WDPCP: variants seen among roughly 807,000 people sequenced by gnomAD.
WDPCP encodes the protein WD repeat-containing and planar cell polarity effector protein fritz homolog.
WDPCP carries 71 observed loss-of-function variants against 93.1 expected under a neutral mutation model. That is an observed-to-expected ratio of 0.76 (90% CI 0.63 to 0.93). The LOEUF (loss-of-function observed/expected upper bound fraction) is 0.93, where lower values mean the gene tolerates loss of function less well. Among genes scored for constraint, WDPCP ranks in the 40% least tolerant of loss-of-function variants. The pLI is 0.00. For synonymous variants in WDPCP, 315 were observed against 315.0 expected, an observed-to-expected ratio of 1.00 and a Z score of 0.00; for missense variants, 844 against 887.4, an observed-to-expected ratio of 0.95 and a Z score of 0.62.
At chr2:63,589,279 G>A, upstream of WDPCP, 1 of 1,551,108 alleles carries the variant, frequency 6.4e-7, no homozygotes, top group Non-Finnish European at 8.7e-7. Flanking sequence ...AGAAGTAGTT[G>A]TCCTGGGAGA....
chr2:63,174,993 C>A (rs528581109), intron 14 of WDPCP, among the ~76,000 whole-genome samples, 161 bp from the exon 15 acceptor site: 1 of 152,248 alleles, frequency 6.6e-6, no homozygotes, highest in Admixed American at 6.5e-5. Context: ...TTCTGTCATT[C>A]TTATACTTAC....
chr2:63,327,205 A>G (rs1054347137), intron 12 of WDPCP, among the ~76,000 whole-genome samples: 3 of 152,214 alleles, frequency 2.0e-5, no homozygotes, highest in African/African-American at 7.2e-5. Flanking sequence ...AGACTTAGGA[A>G]AATTGCCTAA....
intron 2 of WDPCP, among the ~76,000 whole-genome samples, chr2:63,725,150 G>T (rs2103806052): frequency 6.6e-6 from 1 of 152,138 alleles, no homozygotes; most frequent in East Asian, 1.9e-4. Context: ...CTTTACTCAG[G>T]TAATGAGCAC....
At chr2:63,539,379 C>A (rs1364336929) in intron 1 of WDPCP, among the ~76,000 whole-genome samples, 2 of 152,134 alleles carry the variant, frequency 1.3e-5, no homozygotes, top group African/African-American at 4.8e-5. Context: ...ACTAAACTGA[C>A]TTCACTGAAT....
At chr2:63,754,267 C>T (rs1319363398) in intron 2 of WDPCP, among the ~76,000 whole-genome samples, 2 of 152,172 alleles carry the variant, frequency 1.3e-5, no homozygotes, top group Admixed American at 6.5e-5. Context: ...TACCAGCCAC[C>T]ACTCATAGGA....
intron 12 of WDPCP, among the ~76,000 whole-genome samples, chr2:63,343,325 T>C (rs1260034854): frequency 6.6e-6 from 1 of 152,096 alleles, no homozygotes; most frequent in African/African-American, 2.4e-5. Flanking sequence ...GCATATGTCT[T>C]CTCACTGCCT....
At chr2:63,826,497 T>C (rs1043592175) in intron 1 of WDPCP, among the ~76,000 whole-genome samples, 1 of 152,162 alleles carries the variant, frequency 6.6e-6, no homozygotes, top group African/African-American at 2.4e-5. Flanking sequence ...TTTATATTTA[T>C]GAAAATTAAT....
At chr2:63,438,729 A>T (rs1249663887) in intron 7 of WDPCP, among the ~76,000 whole-genome samples, 2 of 152,032 alleles carry the variant, frequency 1.3e-5, no homozygotes, top group Non-Finnish European at 2.9e-5. Flanking sequence ...CTTCAAGATG[A>T]TGTGATTGTG....
At chr2:63,206,054 G>C (rs1388957517) in intron 14 of WDPCP, among the ~76,000 whole-genome samples, 1 of 152,086 alleles carries the variant, frequency 6.6e-6, no homozygotes, top group Non-Finnish European at 1.5e-5. Context: ...TTTATCAAAT[G>C]CTTTTTTGGC....
rs7569701 is a variant in WDPCP, at chr2:63,783,726, C to T, written n.308+29896G>A. 2.5e-3 allele frequency among the ~76,000 whole-genome samples: 378 copies of T among 152,186 alleles called. 4 individuals are homozygous for T. Among genetic ancestry groups the T allele is most frequent in the African/African-American group, 8.8e-3 (366 of 41,532 alleles). On this transcript the variant is annotated intron_variant and non_coding_transcript_variant, in intron 2 of 4. Transcript: ENST00000467687. ...AGTCTGAGCTAAATAATGTGTACAC[C>T]TTGGCATAAAGTGTGGAATGACAGA...
Position 63,583,671 on chromosome 2 carries a change from C to A in WDPCP, c.75+4526G>T, listed in dbSNP as rs1229345512. Among the ~76,000 whole-genome samples the A allele has an allele frequency of 7.2e-4, 86 of 119,208 alleles. 1 individual carries two copies. Among genetic ancestry groups the A allele is most frequent in the African/African-American group, 3.2e-3 (81 of 24,986 alleles). The allele number at this position is 119,208 out of a possible 152,430, so 78.2% of individuals were successfully genotyped here. ...ACTCCAGCCTGGCGACAGAGCAAGA[C>A]TCCGTTTCAAAAAAAAAAAAAAGAA... is the stretch of plus-strand genomic sequence containing the variant. On this transcript the variant is annotated intron_variant, in intron 1 of 17. Transcript: ENST00000272321.
chr2:63,551,380 G>A (rs1213637321), intron 1 of WDPCP, among the ~76,000 whole-genome samples: 1 of 152,152 alleles, frequency 6.6e-6, no homozygotes, highest in African/African-American at 2.4e-5. Context: ...CTCATGAATG[G>A]CTTGTTGCCC....
intron 2 of WDPCP, among the ~76,000 whole-genome samples, chr2:63,662,022 T>C (rs1267908992): frequency 1.3e-5 from 2 of 152,056 alleles, no homozygotes; most frequent in Admixed American, 6.6e-5. Context: ...AGGGGAAGCA[T>C]AAAATCTTAA....
At chr2:63,575,981 G>A (rs1253866414) in intron 1 of WDPCP, among the ~76,000 whole-genome samples, 1 of 151,868 alleles carries the variant, frequency 6.6e-6, no homozygotes, top group African/African-American at 2.4e-5. Context: ...CTTTTTACAG[G>A]CACACAGTTA....
chr2:63,320,872 T>G (rs1296057514), intron 12 of WDPCP, among the ~76,000 whole-genome samples: 1 of 152,068 alleles, frequency 6.6e-6, no homozygotes. Flanking sequence ...ACTGAACATT[T>G]CAATTAAAAG....
chr2:63,764,818 G>A (rs1575767615), intron 2 of WDPCP, among the ~76,000 whole-genome samples: 1 of 152,092 alleles, frequency 6.6e-6, no homozygotes, highest in East Asian at 1.9e-4. Context: ...TCACCAAAGG[G>A]GTGTGACCTT....
At chr2:63,689,322 A>G (rs1333478940) in intron 2 of WDPCP, among the ~76,000 whole-genome samples, 1 of 152,226 alleles carries the variant, frequency 6.6e-6, no homozygotes, top group Non-Finnish European at 1.5e-5. Context: ...AAATTTAGAT[A>G]ATCTGGTCAA....
rs1245545358 is a variant in WDPCP at position 63,382,094 on chromosome 2, C to G, written c.1436G>C (p.Gly479Ala). The change falls in exon 11 of 18, where the codon GGC (glycine) becomes GCC (alanine). Residue 479 changes from glycine to alanine, a missense_variant and splice_region_variant. Physicochemically the swap from Gly to Ala is moderately conservative, Grantham distance 60. Coordinates refer to ENST00000272321, the MANE Select transcript of WDPCP (RefSeq NM_015910.7). ...GPLGVLLFKL[G>A]VFTRGQLGLI... ...GCCCAGCTGTCCTCGAGTGAAGACGCCTATCACAAAACATGGAAAACCAGG... is the reference window on the plus strand; with the variant it reads ...GCCCAGCTGTCCTCGAGTGAAGACGGCTATCACAAAACATGGAAAACCAGG... 1 of 1,611,924 alleles carries G rather than the reference C, an allele frequency of 6.2e-7. No individual in the cohort carries two copies. The highest frequency in any genetic ancestry group is 8.5e-7 in the Non-Finnish European group (1 of 1,179,126).
intron 1 of WDPCP, among the ~76,000 whole-genome samples, chr2:63,551,339 C>T (rs370520131): frequency 1.3e-5 from 2 of 152,084 alleles, no homozygotes; most frequent in East Asian, 1.9e-4. Context: ...TGGGGCCTGG[C>T]GGGAGGTGTT....
Sources: gnomAD v4.1 joint callset for allele counts (sites outside exome capture counted in the v4.1 genomes callset) on GRCh38, gnomAD v4.1.1 for gene constraint, MANE v1.5 for transcripts, NCBI Gene and HGNC (gene_info 2026-07-23, HGNC 2026-07-21) for gene names.